Variants in GATA4 observed in about 807,000 individuals in gnomAD.
GATA4 encodes transcription factor GATA-4.
In GATA4, 7 loss-of-function variants were observed where a neutral mutation model predicts 37.9. The ratio of observed to expected loss-of-function variants is 0.18; its 90% CI spans 0.11 to 0.35. The LOEUF (loss-of-function observed/expected upper bound fraction) is 0.35, where lower values mean the gene tolerates loss of function less well. Ranked by LOEUF, GATA4 falls within the 10% of genes least tolerant of loss-of-function variation. The probability of loss-of-function intolerance (pLI) is 1.00; values close to 1 mark genes in which losing one functional copy is unlikely to be tolerated. For missense variants in GATA4, 647 were observed against 653.0 expected (o/e 0.99, Z 0.10); for synonymous variants, 372 against 292.6 (o/e 1.27, Z -2.77).
At chr8:11,679,586 G>C (rs532318664) in intron 1 of GATA4, among the ~76,000 whole-genome samples, 72 of 152,342 alleles carry the variant, frequency 4.7e-4, no homozygotes, top group Middle Eastern at 3.4e-3. Flanking sequence ...CGCAGCCGGG[G>C]AGAGGAGCTG....
intron 2 of GATA4, among the ~76,000 whole-genome samples, chr8:11,726,916 C>T (rs4840579): frequency 0.57 from 87,187 of 151,968 alleles, 25,428 homozygotes; most frequent in East Asian, 0.86. Flanking sequence ...CAGAGACTTC[C>T]GGAGTTTTCA....
chr8:11,721,266 C>T (rs1800663809), intron 2 of GATA4, among the ~76,000 whole-genome samples: 1 of 150,688 alleles, frequency 6.6e-6, no homozygotes, highest in African/African-American at 2.4e-5. Context: ...TAGGCGTTTG[C>T]TGCCTATAGG....
At chr8:11,686,781 C>T (rs181428091) in intron 1 of GATA4, among the ~76,000 whole-genome samples, 4 of 152,112 alleles carry the variant, frequency 2.6e-5, no homozygotes, top group South Asian at 2.1e-4. Context: ...GGTCAGATCA[C>T]GAGGTCAGGA....
chr8:11,687,835 A>C (rs953193285), upstream of GATA4, among the ~76,000 whole-genome samples: 15 of 152,158 alleles, frequency 9.9e-5, no homozygotes, highest in African/African-American at 3.6e-4. Context: ...ACACAGCTAC[A>C]AGGCTCCTAG....
At chr8:11,720,654 A>G (rs1326570854) in intron 2 of GATA4, among the ~76,000 whole-genome samples, 1 of 152,156 alleles carries the variant, frequency 6.6e-6, no homozygotes, top group Non-Finnish European at 1.5e-5. Context: ...CTTTGTGTTC[A>G]TAAGTTCTCA....
At chr8:11,700,014 C>T (rs1439226322), upstream of GATA4, among the ~76,000 whole-genome samples, 3 of 152,204 alleles carry the variant, frequency 2.0e-5, no homozygotes, top group Admixed American at 6.5e-5. Flanking sequence ...CCTGCAGTTT[C>T]GCCCTTGCTT....
chr8:11,708,430 C>T lies in GATA4; in HGVS notation c.118C>T (p.Pro40Ser), dbSNP rs968942677. The change falls in exon 2 of 7, where the codon CCC becomes TCC. Residue 40 changes from proline to serine, a missense_variant. Pro to Ser is a moderately conservative substitution (Grantham distance 74). Around this residue, in one of 5 missense-constraint regions of GATA4, gnomAD observed 379 missense variants for 334.5 expected, o/e 1.13. Transcript: ENST00000532059. This position sits in a 1 kb window ranked among gnomAD's most constrained non-coding sequence, Gnocchi z 6.7. ...AGAASSPVYVPTPRVPSSVLG... is the reference protein window; with the variant it reads ...AGAASSPVYVSTPRVPSSVLG... ...CGCCGCGTCCTCGCCAGTCTACGTGCCCACACCGCGGGTGCCCTCCTCCGT... is the reference window on the plus strand; with the variant it reads ...CGCCGCGTCCTCGCCAGTCTACGTGTCCACACCGCGGGTGCCCTCCTCCGT... 1 of 1,535,610 alleles carries T rather than the reference C, an allele frequency of 6.5e-7. No individual in the cohort carries two copies. Among genetic ancestry groups the T allele is most frequent in the Non-Finnish European group, 8.7e-7 (1 of 1,147,106 alleles).
chr8:11,725,281 G>T (rs60197293), intron 2 of GATA4, among the ~76,000 whole-genome samples: 12,740 of 152,292 alleles, frequency 0.084, 1,486 homozygotes, highest in African/African-American at 0.26. Context: ...TTTGCTGGGT[G>T]GAGAAAGTCT....
chr8:11,722,293 A>G (rs10112596), intron 2 of GATA4, among the ~76,000 whole-genome samples: 126,369 of 152,258 alleles, frequency 0.83, 52,514 homozygotes, highest in East Asian at 0.86. Flanking sequence ...GTTATTTTGA[A>G]GCATATTCCA....
chr8:11,709,090 G>C lies in GATA4; in HGVS notation c.616+162G>C, dbSNP rs1050242005. ...GAAGGCAGAAGCCAGTGCGGGGCTG[G>C]CGACATCACAGCCCCAGAAGACCGG... On this transcript the variant is annotated intron_variant, in intron 2 of 6. Transcript: ENST00000532059. The surrounding 1 kb of genome is among the most constrained non-coding windows in gnomAD (Gnocchi z 4.3). Among the ~76,000 whole-genome samples the C allele has an allele frequency of 1.3e-5, 2 of 152,164 alleles. No homozygotes were observed. The highest frequency in any genetic ancestry group is 2.9e-5 in the Non-Finnish European group (2 of 68,020).
rs1800019637 is a variant in GATA4, at chr8:11,708,753, G to C, written c.441G>C (p.Glu147Asp). The stretch of plus-strand genomic sequence containing the variant: ...CGGGTGCGGGCCTGGCGGGCCGCGA[G>C]CAGTACGGGCGCGCCGGCTTCGCGG... ...GAAGAGLAGREQYGRAGFAGS... is the reference protein window; with the variant it reads ...GAAGAGLAGRDQYGRAGFAGS... The change falls in exon 2 of 7, where the codon GAG becomes GAC. Residue 147 changes from glutamate to aspartate, a missense_variant. Physicochemically the swap from Glu to Asp is conservative, Grantham distance 45. Coordinates refer to ENST00000532059, the MANE Select transcript of GATA4 (RefSeq NM_001308093.3). This position sits in a 1 kb window ranked among gnomAD's most constrained non-coding sequence, Gnocchi z 6.7. 1.5e-6 allele frequency: 2 copies of C among 1,364,802 alleles called. No homozygotes were observed. Among genetic ancestry groups the C allele is most frequent in the African/African-American group, 3.1e-5 (2 of 65,572 alleles). The allele number at this position is 1,364,802 out of a possible 1,614,324, so 84.5% of individuals were successfully genotyped here. A position where few individuals can be genotyped will look rare whatever the true frequency, so the allele number is the denominator to read the frequency against.
chr8:11,689,788 G>C (rs576736783), upstream of GATA4, among the ~76,000 whole-genome samples: 28 of 152,300 alleles, frequency 1.8e-4, no homozygotes, highest in African/African-American at 6.7e-4. Context: ...GGCTCTGCCC[G>C]AGAGCCCAGG....
chr8:11,677,955 A>G (rs746743081), intron 1 of GATA4, among the ~76,000 whole-genome samples: 1 of 151,820 alleles, frequency 6.6e-6, no homozygotes, highest in Non-Finnish European at 1.5e-5. Flanking sequence ...CTACAAAGCC[A>G]AAGTCTGGGC....
At chr8:11,703,310 A>C (rs576676878), upstream of GATA4, among the ~76,000 whole-genome samples, 3 of 152,024 alleles carry the variant, frequency 2.0e-5, no homozygotes, top group Admixed American at 6.5e-5. Flanking sequence ...TAACCTTTAG[A>C]CCTGTCTGAG....
At position 11,746,875 on chromosome 8, in the gene GATA4, T is replaced by TAC. The variant is rs569677398; in HGVS notation, c.617-2038_617-2037dup. On this transcript the variant is annotated intron_variant, in intron 2 of 6. Coordinates refer to ENST00000532059, the MANE Select transcript of GATA4 (RefSeq NM_001308093.3). ...TCCCTGGCCTGAGCAAATAGCCCCT[T>TAC]ACACCTGCACACTGTTTACTTGGTG... is the stretch of plus-strand genomic sequence containing the variant. Among the ~76,000 whole-genome samples, 13 of 152,374 alleles carry TAC rather than the reference T, an allele frequency of 8.5e-5. No individual in the cohort carries two copies. In the South Asian group the frequency reaches 2.7e-3, roughly 32 times the overall value.
chr8:11,685,830 T>C (rs1799116713), intron 1 of GATA4, among the ~76,000 whole-genome samples: 1 of 151,996 alleles, frequency 6.6e-6, no homozygotes, highest in Non-Finnish European at 1.5e-5. Flanking sequence ...TGTGGGGTAG[T>C]GATGGGGGAT....
intron 1 of GATA4, among the ~76,000 whole-genome samples, chr8:11,678,010 C>A (rs1183309077): frequency 9.5e-6 from 1 of 104,850 alleles, no homozygotes; most frequent in Non-Finnish European, 1.9e-5. Context: ...AGGGCTGAGT[C>A]AAAATAATAA....
At chr8:11,724,784 G>C (rs1207397809) in intron 2 of GATA4, among the ~76,000 whole-genome samples, 3 of 152,236 alleles carry the variant, frequency 2.0e-5, no homozygotes, top group Non-Finnish European at 4.4e-5. Flanking sequence ...TGAGAGAGGA[G>C]GCGATCAGAG....
Position 11,759,514 on chromosome 8 carries a change from GC to G in GATA4, c.*1043del, listed in dbSNP as rs1802785122. 6.6e-6 allele frequency: 1 copy of G among 152,290 alleles called. No individual in the cohort carries two copies. Among genetic ancestry groups the G allele is most frequent in the Non-Finnish European group, 1.5e-5 (1 of 68,086 alleles). The allele number at this position is 152,290 out of a possible 1,614,324, so 9.4% of individuals were successfully genotyped here. A position where few individuals can be genotyped will look rare whatever the true frequency, so the allele number is the denominator to read the frequency against. On this transcript the variant is annotated 3_prime_UTR_variant, in exon 7 of 7. Coordinates refer to ENST00000532059, the MANE Select transcript of GATA4 (RefSeq NM_001308093.3). ...AGAGTCCCTCAGGACCTGCAGCCTC[GC>G]CCCGGCAGAAGTCTTTTGTCCAGGA...
Sources: allele counts gnomAD v4.1 joint callset (sites outside exome capture counted in the v4.1 genomes callset), GRCh38; gene constraint gnomAD v4.1.1; regional missense constraint gnomAD v4.1.1; non-coding constraint Gnocchi (gnomAD v3.1); transcripts MANE v1.5; gene names NCBI Gene and HGNC (gene_info 2026-07-23, HGNC 2026-07-21).